Variants in MACROD1 observed in about 807,000 individuals in gnomAD.
The protein encoded by MACROD1 is mono-ADP ribosylhydrolase 1.
Under a neutral mutation model 41.4 loss-of-function variants are expected in MACROD1, and 31 were observed. The observed-to-expected ratio is 0.75, with a 90% CI of 0.56 to 1.01. MACROD1 has a LOEUF of 1.01. Among genes scored for constraint, MACROD1 ranks in the 50% least tolerant of loss-of-function variants. MACROD1 has a pLI of 0.00. For synonymous variants in MACROD1, 252 were observed against 203.4 expected (o/e 1.24, Z -2.03); for missense variants, 473 against 460.0 (o/e 1.03, Z -0.26).
At position 63,998,840 on chromosome 11, in the gene MACROD1, G is replaced by C. The variant is rs1322217087; in HGVS notation, c.*28C>G. On this transcript the variant is annotated splice_region_variant and 3_prime_UTR_variant, in exon 10 of 11. Coordinates refer to ENST00000255681, the MANE Select transcript of MACROD1 (RefSeq NM_014067.4). ...GCACGGGGCGAGGCCCTGCTTACCA[G>C]TCCCGGTCAGGGTGGGCTGCGGGAG... 6.3e-7 allele frequency: 1 copy of C among 1,579,750 alleles called. No homozygotes were observed. Among genetic ancestry groups the C allele is most frequent in the African/African-American group, 1.3e-5 (1 of 74,330 alleles).
At chr11:64,037,350 G>A (rs1397265288) in intron 3 of MACROD1, among the ~76,000 whole-genome samples, 1 of 151,978 alleles carries the variant, frequency 6.6e-6, no homozygotes, top group Non-Finnish European at 1.5e-5. Flanking sequence ...GGAGGCAGCC[G>A]CCGCGCTCAG....
At position 63,998,591 on chromosome 11, in the gene MACROD1, G is replaced by A. The variant is rs578024498; in HGVS notation, c.*127C>T. 4 of 1,263,278 alleles carry A rather than the reference G, an allele frequency of 3.2e-6. No individual in the cohort carries two copies. In the South Asian group the frequency reaches 1.2e-4, roughly 37 times the overall value. 78.3% of individuals were successfully genotyped at this position (1,263,278 alleles called of 1,614,324 possible). Reference sequence around the variant, plus strand: ...CGAGATCTTTATTAGGCTCCTCGGGGGCGGGGCGCGGAGGGAAAGAAGGGG... The same window carrying A: ...CGAGATCTTTATTAGGCTCCTCGGGAGCGGGGCGCGGAGGGAAAGAAGGGG... On this transcript the variant is annotated 3_prime_UTR_variant, in exon 11 of 11. Transcript: ENST00000255681.
intron 3 of MACROD1, among the ~76,000 whole-genome samples, chr11:64,128,859 C>G (rs934898759): frequency 4.6e-5 from 7 of 152,190 alleles, no homozygotes; most frequent in Non-Finnish European, 1.0e-4. Flanking sequence ...TTGTCTGGCA[C>G]CAGGAGGCCC....
intron 3 of MACROD1, among the ~76,000 whole-genome samples, chr11:64,127,889 A>G (rs1245288001): frequency 2.6e-5 from 4 of 152,086 alleles, no homozygotes; most frequent in African/African-American, 9.7e-5. Context: ...TCACATCCCA[A>G]AGGGAGGGGG....
chr11:64,072,085 G>A (rs527969869), intron 3 of MACROD1, among the ~76,000 whole-genome samples: 7 of 152,360 alleles, frequency 4.6e-5, no homozygotes, highest in African/African-American at 1.4e-4. Context: ...AGCCCGAATC[G>A]AATCGACTGC....
At chr11:64,085,296 T>C (rs1317407762) in intron 3 of MACROD1, among the ~76,000 whole-genome samples, 2 of 152,218 alleles carry the variant, frequency 1.3e-5, no homozygotes, top group Non-Finnish European at 2.9e-5. Flanking sequence ...GATTCTGTCC[T>C]GTTCAATTTT....
In MACROD1 at chr11:64,122,713, GC is replaced by G; in HGVS notation, c.517+28525del. Reference sequence around the variant, plus strand: ...GTCCAGCGTCACTCAGGAAACTGGTGCTCCAGAGGCCAAGTGGGGGCCCTTC... The same window carrying G: ...GTCCAGCGTCACTCAGGAAACTGGTGTCCAGAGGCCAAGTGGGGGCCCTTC... On this transcript the variant is annotated intron_variant, in intron 3 of 10. Transcript: ENST00000255681. This position sits in a 1 kb window ranked among gnomAD's most constrained non-coding sequence, Gnocchi z 4.0. Among the ~76,000 whole-genome samples, 1 of 152,320 alleles carries G rather than the reference GC, an allele frequency of 6.6e-6. No individual in the cohort carries two copies. The highest frequency in any genetic ancestry group is 1.9e-4 in the East Asian group (1 of 5,186).
rs779103419 is a variant in MACROD1 at position 64,165,857 on chromosome 11, C to A, written c.138G>T (p.Ala46=). The A allele has an allele frequency of 6.9e-7, 1 of 1,456,960 alleles. No homozygotes were observed. Among genetic ancestry groups the A allele is most frequent in the South Asian group, 1.4e-5 (1 of 73,216 alleles). The allele number at this position is 1,456,960 out of a possible 1,614,324, so 90.3% of individuals were successfully genotyped here. A position where few individuals can be genotyped will look rare whatever the true frequency, so the allele number is the denominator to read the frequency against. The change falls in exon 1 of 11, where the codon GCG becomes GCT. Residue 46 remains alanine, a synonymous_variant. Coordinates refer to ENST00000255681, the MANE Select transcript of MACROD1 (RefSeq NM_014067.4). ...CACGGCGGCCGAACACGCCCAGGAACGCCGGGGGACCGCACGTGCTGCTGC... is the reference window on the plus strand; with the variant it reads ...CACGGCGGCCGAACACGCCCAGGAAAGCCGGGGGACCGCACGTGCTGCTGC... The part of the protein sequence containing the change: ...RTRSSTCGPP[A]FLGVFGRRAR...
At chr11:64,105,310 C>G (rs895028976) in intron 3 of MACROD1, among the ~76,000 whole-genome samples, 9 of 152,192 alleles carry the variant, frequency 5.9e-5, no homozygotes, top group Non-Finnish European at 8.8e-5. Flanking sequence ...TGAAGCCAAG[C>G]TAGAGGGGAG....
intron 3 of MACROD1, among the ~76,000 whole-genome samples, chr11:64,021,061 T>G (rs1413407029): frequency 6.6e-6 from 1 of 152,140 alleles, no homozygotes; most frequent in African/African-American, 2.4e-5. Flanking sequence ...CTCGGGTGTC[T>G]CCCTCATGGT....
intron 3 of MACROD1, among the ~76,000 whole-genome samples, chr11:64,109,336 A>C (rs937790001): frequency 2.6e-5 from 4 of 152,160 alleles, no homozygotes; most frequent in African/African-American, 9.7e-5. Flanking sequence ...TGACTTATAA[A>C]GGCTTTGCAG....
chr11:64,017,888 G>A (rs1943103102), intron 3 of MACROD1, among the ~76,000 whole-genome samples: 1 of 152,258 alleles, frequency 6.6e-6, no homozygotes, highest in Admixed American at 6.5e-5. Context: ...GCCTCGAAGG[G>A]GTGGTAGGGG....
intron 8 of MACROD1, 120 bp downstream of exon 8, chr11:63,999,211 A>G (rs1942772198): frequency 1.4e-6 from 2 of 1,397,204 alleles, no homozygotes; most frequent in Non-Finnish European, 1.9e-6. Flanking sequence ...CGCAGGAGAA[A>G]CAGGGAAGGA....
intron 1 of MACROD1, among the ~76,000 whole-genome samples, chr11:64,162,923 A>G (rs1449572528): frequency 4.6e-5 from 7 of 152,154 alleles, no homozygotes. Context: ...GATCAAGACC[A>G]TCCTGACTAA....
At chr11:64,110,077 C>T (rs1477451085) in intron 3 of MACROD1, among the ~76,000 whole-genome samples, 1 of 152,094 alleles carries the variant, frequency 6.6e-6, no homozygotes, top group Non-Finnish European at 1.5e-5. Flanking sequence ...TGTAAGTTCC[C>T]ATGTAAGGGC....
At chr11:64,076,389 C>T (rs1163986026) in intron 3 of MACROD1, among the ~76,000 whole-genome samples, 1 of 152,194 alleles carries the variant, frequency 6.6e-6, no homozygotes, top group African/African-American at 2.4e-5. Context: ...TGATTGTCTC[C>T]AGTGCCCACA....
intron 3 of MACROD1, among the ~76,000 whole-genome samples, chr11:64,079,474 G>A (rs1257824490): frequency 6.6e-6 from 1 of 152,176 alleles, no homozygotes. Flanking sequence ...GGCACGCAGG[G>A]GCAGGAATGG....
At chr11:64,149,390 A>C (rs1205720492) in intron 3 of MACROD1, among the ~76,000 whole-genome samples, 2 of 152,124 alleles carry the variant, frequency 1.3e-5, no homozygotes, top group Non-Finnish European at 2.9e-5. Context: ...CTCAGCCAGC[A>C]CTGCCCCAGC....
intron 3 of MACROD1, among the ~76,000 whole-genome samples, chr11:64,071,671 C>A (rs1816407958): frequency 2.0e-5 from 3 of 152,160 alleles, no homozygotes; most frequent in Admixed American, 2.0e-4. Context: ...AACCACAGAG[C>A]CCCCCAGCTT....
Sources: gnomAD v4.1 joint callset for allele counts (sites outside exome capture counted in the v4.1 genomes callset) on GRCh38, gnomAD v4.1.1 for gene constraint, Gnocchi (gnomAD v3.1) non-coding constraint, MANE v1.5 for transcripts, NCBI Gene and HGNC (gene_info 2026-07-23, HGNC 2026-07-21) for gene names.